Variants in TMEM94 observed in about 807,000 individuals in gnomAD.
TMEM94 encodes transmembrane protein 94, also known as ER Mg2+ ATPase.
TMEM94 carries 81 observed loss-of-function variants against 158.6 expected under a neutral mutation model. That is an observed-to-expected ratio of 0.51 (90% CI 0.43 to 0.61). TMEM94 has a LOEUF of 0.61. TMEM94 is among the 20% of genes least tolerant of loss of function. The pLI, the probability that TMEM94 is intolerant of heterozygous loss-of-function variation, is 0.00. For synonymous variants in TMEM94, 751 were observed against 730.7 expected (o/e 1.03, Z -0.45); for missense variants, 1,435 against 1,762.0 (o/e 0.81, Z 3.32).
chr17:75,463,178 G>GTATATATATATATATATA (rs749164900), intron 1 of TMEM94, among the ~76,000 whole-genome samples: 1 of 15,060 alleles, frequency 6.6e-5, no homozygotes, highest in African/African-American at 1.7e-4. Context: ...GTGTGTGTGT[G>GTATATATATATATATATA]TATATATATA....
intron 1 of TMEM94, among the ~76,000 whole-genome samples, chr17:75,458,845 C>T (rs1337022884): frequency 6.6e-6 from 1 of 152,026 alleles, no homozygotes; most frequent in African/African-American, 2.4e-5. Context: ...ATCACGAGGT[C>T]AGGAGATCAA....
intron 1 of TMEM94, among the ~76,000 whole-genome samples, chr17:75,461,936 T>C (rs1342848968): frequency 6.9e-6 from 1 of 145,668 alleles, no homozygotes; most frequent in South Asian, 2.1e-4. Context: ...AGAAAAGAAA[T>C]GTAACCCAAA....
In TMEM94 at chr17:75,485,650, T is replaced by A. The variant is rs2051530433; in HGVS notation, c.144+103T>A. The A allele has an allele frequency of 1.3e-6, 2 of 1,506,050 alleles. No individual in the cohort carries two copies. The highest frequency in any genetic ancestry group is 1.8e-6 in the Non-Finnish European group (2 of 1,097,380). 93.3% of individuals were successfully genotyped at this position (1,506,050 alleles called of 1,614,324 possible). On this transcript the variant is annotated intron_variant, in intron 3 of 31. Transcript: ENST00000314256. The surrounding 1 kb of genome is among the most constrained non-coding windows in gnomAD (Gnocchi z 5.5). The stretch of plus-strand genomic sequence containing the variant: ...ATGTACCCTGTCACCCTGGACAGTG[T>A]GACCCAACTGAGGCCTCATGAAATA...
chr17:75,463,879 T>A (rs1343525131), intron 1 of TMEM94, among the ~76,000 whole-genome samples: 2 of 152,222 alleles, frequency 1.3e-5, no homozygotes, highest in African/African-American at 4.8e-5. Flanking sequence ...GATAGAATCC[T>A]ACAGCTTGCT....
intron 2 of TMEM94, among the ~76,000 whole-genome samples, chr17:75,474,112 AAAC>A (rs2050589760): frequency 1.3e-5 from 2 of 152,150 alleles, no homozygotes; most frequent in African/African-American, 4.8e-5. Context: ...GACTGTCTCA[AAAC>A]AACAACAAAC....
rs751821328 is a variant in TMEM94, at chr17:75,496,179, C to T, written c.3054-103C>T. Reference sequence around the variant, plus strand: ...GGGTGTGTACTATAGCCGACCTCGCCCTGGCTGGGACCAATGCACCTGGGC... The same window carrying T: ...GGGTGTGTACTATAGCCGACCTCGCTCTGGCTGGGACCAATGCACCTGGGC... On this transcript the variant is annotated intron_variant, in intron 23 of 31. Coordinates refer to ENST00000314256, the MANE Select transcript of TMEM94 (RefSeq NM_014738.6). 39 of 1,560,320 alleles carry T rather than the reference C, an allele frequency of 2.5e-5. No homozygotes were observed. The African/African-American group carries it at 5.0e-4, about 20-fold the overall frequency.
Position 75,499,085 on chromosome 17 carries a change from G to A in TMEM94, c.3998+3G>A. The A allele has an allele frequency of 6.3e-7, 1 of 1,580,586 alleles. No individual in the cohort carries two copies. Among genetic ancestry groups the A allele is most frequent in the Non-Finnish European group, 8.6e-7 (1 of 1,162,006 alleles). On this transcript the variant is annotated splice_donor_region_variant and intron_variant, in intron 31 of 31. Coordinates refer to ENST00000314256, the MANE Select transcript of TMEM94 (RefSeq NM_014738.6). ...ATCGTGAAGCTACATGAGATTCGGT[G>A]AGCTGTCAGCAGGGCGCCTCCCTCT...
chr17:75,497,694 C>T (rs968163888), intron 26 of TMEM94, 87 bp from the exon 27 acceptor site: 52 of 1,092,954 alleles, frequency 4.8e-5, no homozygotes, highest in Non-Finnish European at 6.3e-5. Context: ...CGACCTCACG[C>T]GCAAGACTCC....
At chr17:75,494,051 G>A in intron 18 of TMEM94, 135 bp downstream of exon 18, 1 of 803,858 alleles carries the variant, frequency 1.2e-6, no homozygotes. Context: ...CCCCAGGCTG[G>A]GACGCCAGTG....
At position 75,498,507 on chromosome 17, in the gene TMEM94, G is replaced by A. The variant is rs1201364900; in HGVS notation, c.3702G>A (p.Lys1234=). ...CCAATGGACTGCTGTCGGCTCAGAAGCTCACGGCCGCCCTGATTGTCCTGC... is the reference window on the plus strand; with the variant it reads ...CCAATGGACTGCTGTCGGCTCAGAAACTCACGGCCGCCCTGATTGTCCTGC... ...DFANGLLSAQ[K]LTAALIVLHT... Residue 1234 remains lysine, a synonymous_variant, in exon 29 of 32, where the codon AAG becomes AAA. Transcript: ENST00000314256. The surrounding 1 kb of genome is among the most constrained non-coding windows in gnomAD (Gnocchi z 6.7). 1.2e-6 allele frequency: 2 copies of A among 1,600,096 alleles called. No homozygotes were observed. Among genetic ancestry groups the A allele is most frequent in the Admixed American group, 1.7e-5 (1 of 58,772 alleles).
In TMEM94 at chr17:75,491,376, G is replaced by T. The variant is rs2052165528; in HGVS notation, c.1307G>T (p.Ser436Ile). ...NPSPETVLFF[S>I]GKVEPPHSSH... Reference sequence around the variant, plus strand: ...AGCCCAGAGACTGTACTGTTCTTCAGCGGGAAGGTGGAGCCCCCTCACAGC... The same window carrying T: ...AGCCCAGAGACTGTACTGTTCTTCATCGGGAAGGTGGAGCCCCCTCACAGC... The change falls in exon 13 of 32, where the codon AGC becomes ATC. Residue 436 changes from serine (S) to isoleucine (I), a missense_variant. Ser to Ile is a moderately radical substitution (Grantham distance 142, BLOSUM62 -2). Coordinates refer to ENST00000314256, the MANE Select transcript of TMEM94 (RefSeq NM_014738.6). The surrounding 1 kb of genome is among the most constrained non-coding windows in gnomAD (Gnocchi z 5.1). The T allele has an allele frequency of 6.2e-7, 1 of 1,614,036 alleles. No individual in the cohort carries two copies. The highest frequency in any genetic ancestry group is 1.3e-5 in the African/African-American group (1 of 74,944).
At chr17:75,465,681 T>TATATATATATATATATATATATATATA (rs1491206835) in intron 1 of TMEM94, among the ~76,000 whole-genome samples, 2 of 62,052 alleles carry the variant, frequency 3.2e-5, no homozygotes, top group African/African-American at 1.1e-4. Context: ...ATATATATAT[T>TATATATATATATATATATATATATATA]TTTTTTTAAT....
rs775549974 is a variant in TMEM94 at position 75,498,258 on chromosome 17, G to A, written c.3573G>A (p.Leu1191=). Reference sequence around the variant, plus strand: ...GCCTCATCTGCTTTGGCTTCACACTGCAGAGCTTCTGTGACAGCTCCCGGG... The same window carrying A: ...GCCTCATCTGCTTTGGCTTCACACTACAGAGCTTCTGTGACAGCTCCCGGG... ...SSCLICFGFT[L]QSFCDSSRDR... The change falls in exon 28 of 32, where the codon CTG becomes CTA. Residue 1191 remains leucine (L), a synonymous_variant. Coordinates refer to ENST00000314256, the MANE Select transcript of TMEM94 (RefSeq NM_014738.6). The surrounding 1 kb of genome is among the most constrained non-coding windows in gnomAD (Gnocchi z 6.7). 1 of 1,613,706 alleles carries A rather than the reference G, an allele frequency of 6.2e-7. No homozygotes were observed. The highest frequency in any genetic ancestry group is 1.1e-5 in the South Asian group (1 of 91,078).
rs150403347 is a variant in TMEM94, at chr17:75,498,446, A to G, written c.3641A>G (p.Asn1214Ser). 2.1e-5 allele frequency: 33 copies of G among 1,588,216 alleles called. No individual in the cohort carries two copies. In the African/African-American group the frequency reaches 4.2e-4, roughly 20 times the overall value. Residue 1214 changes from asparagine to serine, a missense_variant and splice_region_variant, in exon 29 of 32, where the codon AAC becomes AGC. By Grantham distance (46) the Asn-to-Ser change is conservative. This residue lies in a region of TMEM94 where 335 missense variants were observed against 409.1 expected (regional missense o/e 0.82). Transcript: ENST00000314256. The surrounding 1 kb of genome is among the most constrained non-coding windows in gnomAD (Gnocchi z 6.7). ...GAGCCCATGCCTCACTTTGGCAGCA[A>G]CGACGACAGGGCTCCAGCCTGGTTT... The part of the protein sequence containing the change: ...TNCSSVMLPS[N>S]DDRAPAWFED...
chr17:75,481,003 G>A lies in TMEM94; in HGVS notation c.25-4425G>A, dbSNP rs77036994. ...AGGCCTGGGGTCTCTGTGTGCAGCC[G>A]CCTGTCTCCTAGATCCTCTTCTTCC... On this transcript the variant is annotated intron_variant, in intron 2 of 31. Transcript: ENST00000314256. Among the ~76,000 whole-genome samples the A allele has an allele frequency of 9.8e-3, 1,489 of 152,318 alleles. 14 individuals are homozygous for A. Among genetic ancestry groups the A allele is most frequent in the Non-Finnish European group, 0.014 (965 of 68,022 alleles).
At chr17:75,469,348 T>C (rs2050415464) in intron 1 of TMEM94, among the ~76,000 whole-genome samples, 1 of 134,332 alleles carries the variant, frequency 7.4e-6, no homozygotes, top group Admixed American at 7.3e-5. Context: ...ACCCTAAATT[T>C]TTTTTTTTTT....
In TMEM94 at chr17:75,493,048, C is replaced by T. The variant is rs1217710426; in HGVS notation, c.2032C>T (p.Arg678Trp). The T allele has an allele frequency of 6.2e-6, 10 of 1,613,408 alleles. No homozygotes were observed. The highest frequency in any genetic ancestry group is 5.9e-6 in the Non-Finnish European group (7 of 1,180,032). Residue 678 changes from arginine (R) to tryptophan (W), a missense_variant, in exon 16 of 32, where the codon CGG becomes TGG. Arg to Trp is a moderately radical substitution (Grantham distance 101). Around this residue, in one of 3 missense-constraint regions of TMEM94, gnomAD observed 1,051 missense variants for 1,254.4 expected, o/e 0.84. Transcript: ENST00000314256. The stretch of plus-strand genomic sequence containing the variant: ...GGGGCGGCTCTCCTGTGTCACCAAG[C>T]GGCGGCCTCCCCTCAGCCACATGAT... ...SLGRLSCVTK[R>W]RPPLSHMISL...
intron 17 of TMEM94, 50 bp from the exon 18 acceptor site, chr17:75,493,649 C>A: frequency 6.2e-7 from 1 of 1,613,026 alleles, no homozygotes; most frequent in East Asian, 2.2e-5. Context: ...GGGGCACCTG[C>A]CCTTCACAGG....
At chr17:75,472,086 C>G in intron 2 of TMEM94, 157 bp downstream of exon 2, 1 of 668,948 alleles carries the variant, frequency 1.5e-6, no homozygotes, top group Non-Finnish European at 2.7e-6. Context: ...ACTGTGACCT[C>G]TTGGCTGGAA....
Sources: gnomAD v4.1 joint callset for allele counts (sites outside exome capture counted in the v4.1 genomes callset) on GRCh38, gnomAD v4.1.1 for gene constraint, gnomAD v4.1.1 regional missense constraint, Gnocchi (gnomAD v3.1) non-coding constraint, MANE v1.5 for transcripts, NCBI Gene and HGNC (gene_info 2026-07-23, HGNC 2026-07-21) for gene names.